PRELID2: variants seen among roughly 807,000 people sequenced by gnomAD.
The protein encoded by PRELID2 is PRELI domain-containing protein 2.
A neutral mutation model predicts 28.4 loss-of-function variants in PRELID2; 25 were observed. The ratio of observed to expected loss-of-function variants is 0.88; its 90% CI spans 0.64 to 1.23. PRELID2 has a LOEUF of 1.23. Among genes scored for constraint, PRELID2 ranks in the 50% most tolerant of loss-of-function variants. The probability of loss-of-function intolerance (pLI) is 0.00; values close to 1 mark genes in which losing one functional copy is unlikely to be tolerated. For synonymous variants in PRELID2, 76 were observed against 71.6 expected (o/e 1.06, Z -0.31); for missense variants, 201 against 214.4 (o/e 0.94, Z 0.39).
intron 1 of PRELID2, among the ~76,000 whole-genome samples, chr5:145,696,129 TGG>T (rs1307446201): frequency 6.6e-6 from 1 of 151,066 alleles, no homozygotes; most frequent in Non-Finnish European, 1.5e-5. Context: ...GTATAGTTTC[TGG>T]CACATAGTGA....
chr5:145,608,166 C>T (rs978658827), intron 1 of PRELID2, among the ~76,000 whole-genome samples: 2 of 152,004 alleles, frequency 1.3e-5, no homozygotes, highest in Non-Finnish European at 2.9e-5. Flanking sequence ...AAGTGAGTCA[C>T]TTATAGACAG....
intron 5 of PRELID2, among the ~76,000 whole-genome samples, chr5:145,784,997 A>G (rs1283391226): frequency 2.0e-5 from 3 of 152,178 alleles, no homozygotes; most frequent in African/African-American, 7.2e-5. Flanking sequence ...TCATTTTTAA[A>G]AGAAATACCA....
chr5:145,507,358 A>G (rs1352533337), intron 1 of PRELID2, among the ~76,000 whole-genome samples: 2 of 152,104 alleles, frequency 1.3e-5, no homozygotes, highest in African/African-American at 2.4e-5. Flanking sequence ...AAAACTGCAG[A>G]TTTGGCCATA....
intron 1 of PRELID2, among the ~76,000 whole-genome samples, chr5:145,596,684 C>A (rs560620037): frequency 6.6e-6 from 1 of 152,038 alleles, no homozygotes; most frequent in Non-Finnish European, 1.5e-5. Context: ...GGGACCCCTG[C>A]GCAATCAGAA....
chr5:145,634,123 C>T (rs1353031907), intron 1 of PRELID2, among the ~76,000 whole-genome samples: 1 of 152,186 alleles, frequency 6.6e-6, no homozygotes, highest in Non-Finnish European at 1.5e-5. Flanking sequence ...CAGGGTGGTA[C>T]ATTTTGTGGC....
At chr5:145,657,265 A>G (rs769893425) in intron 1 of PRELID2, among the ~76,000 whole-genome samples, 13 of 152,170 alleles carry the variant, frequency 8.5e-5, no homozygotes, top group Non-Finnish European at 1.6e-4. Context: ...AATGGATCCA[A>G]TTGTGAATTT....
chr5:145,631,573 T>C (rs1259444882), intron 1 of PRELID2, among the ~76,000 whole-genome samples: 1 of 152,170 alleles, frequency 6.6e-6, no homozygotes, highest in African/African-American at 2.4e-5. Context: ...CCTATTGAAA[T>C]GTAAACACCA....
chr5:145,583,630 T>C (rs1753127356), intron 1 of PRELID2, among the ~76,000 whole-genome samples: 1 of 152,024 alleles, frequency 6.6e-6, no homozygotes, highest in Non-Finnish European at 1.5e-5. Flanking sequence ...ATCGCTAGCA[T>C]TCCTATACAC....
chr5:145,821,152 G>GGTGGGTGGGTGGGTGTGTGTGTGTGT (rs1554100260), intron 2 of PRELID2, among the ~76,000 whole-genome samples: 1 of 88,190 alleles, frequency 1.1e-5, no homozygotes, highest in African/African-American at 4.0e-5. Flanking sequence ...AACTCTCCTG[G>GGTGGGTGGGTGGGTGTGTGTGTGTGT]GTGTGTGTGT....
chr5:145,418,190 A>G, the PRELID2 span, among the ~76,000 whole-genome samples: 1 of 152,202 alleles, frequency 6.6e-6, no homozygotes. Flanking sequence ...AGGAAAGTGA[A>G]TGACCATTTC....
At chr5:145,229,276 G>A in the PRELID2 span, 2 of 756,082 alleles carry the variant, frequency 2.6e-6, no homozygotes, top group Non-Finnish European at 4.9e-6. Flanking sequence ...TCTACAACTG[G>A]TTCAAGGGCC....
At chr5:145,498,830 G>A (rs1017107409) in intron 1 of PRELID2, among the ~76,000 whole-genome samples, 22 of 151,454 alleles carry the variant, frequency 1.5e-4, no homozygotes, top group South Asian at 6.2e-4. Context: ...TCCCTGCCTC[G>A]GCCTCCCAAA....
intron 1 of PRELID2, among the ~76,000 whole-genome samples, chr5:145,479,730 G>T (rs1233924344): frequency 6.6e-6 from 1 of 152,128 alleles, no homozygotes; most frequent in African/African-American, 2.4e-5. Context: ...TCCAGAAACA[G>T]AAATTTTGTC....
chr5:145,612,915 A>C (rs746842922), intron 1 of PRELID2, among the ~76,000 whole-genome samples: 11 of 152,230 alleles, frequency 7.2e-5, no homozygotes, highest in Non-Finnish European at 1.3e-4. Context: ...ATAAACATGC[A>C]TGTGCAAGTA....
At chr5:145,550,910 T>G (rs889313687) in intron 1 of PRELID2, among the ~76,000 whole-genome samples, 1 of 152,186 alleles carries the variant, frequency 6.6e-6, no homozygotes, top group Non-Finnish European at 1.5e-5. Flanking sequence ...CTAAGTTGTA[T>G]AGATAGAAAA....
chr5:145,655,070 T>C (rs140434325), intron 1 of PRELID2, among the ~76,000 whole-genome samples: 11,025 of 151,804 alleles, frequency 0.073, 1,107 homozygotes, highest in African/African-American at 0.22. Context: ...ACAAAATCAA[T>C]GTGCAAAAAT....
chr5:145,664,772 A>G (rs1754556497), intron 1 of PRELID2, among the ~76,000 whole-genome samples: 1 of 152,048 alleles, frequency 6.6e-6, no homozygotes, highest in African/African-American at 2.4e-5. Context: ...TTTTCCTTTC[A>G]GTGTAGCACT....
At chr5:145,566,383 G>C (rs1752967911) in intron 1 of PRELID2, among the ~76,000 whole-genome samples, 2 of 152,148 alleles carry the variant, frequency 1.3e-5, no homozygotes, top group Admixed American at 1.3e-4. Flanking sequence ...GAAACACAAA[G>C]GGAATGTCTC....
intron 1 of PRELID2, among the ~76,000 whole-genome samples, chr5:145,745,324 A>G (rs1756960099): frequency 6.6e-6 from 1 of 152,188 alleles, no homozygotes; most frequent in Non-Finnish European, 1.5e-5. Context: ...CCAACCTAGC[A>G]AGACAGGCCA....
Sources: gnomAD v4.1 joint callset for allele counts (sites outside exome capture counted in the v4.1 genomes callset) on GRCh38, gnomAD v4.1.1 for gene constraint, MANE v1.5 for transcripts, NCBI Gene and HGNC (gene_info 2026-07-23, HGNC 2026-07-21) for gene names.